MACROD2: variants seen among roughly 807,000 people sequenced by gnomAD.
The protein encoded by MACROD2 is ADP-ribose glycohydrolase MACROD2.
A neutral mutation model predicts 70.4 loss-of-function variants in MACROD2; 36 were observed. That is an observed-to-expected ratio of 0.51 (90% CI 0.39 to 0.68). The LOEUF (loss-of-function observed/expected upper bound fraction) is 0.68, where lower values mean the gene tolerates loss of function less well. Among genes scored for constraint, MACROD2 ranks in the 30% least tolerant of loss-of-function variants. The pLI, the probability that MACROD2 is intolerant of heterozygous loss-of-function variation, is 0.00. For missense variants in MACROD2, 496 were observed against 538.4 expected (o/e 0.92, Z 0.78); for synonymous variants, 172 against 178.8 (o/e 0.96, Z 0.30).
At chr20:14,140,710 TGGGTG>T (rs2054859903) in intron 3 of MACROD2, among the ~76,000 whole-genome samples, 1 of 152,260 alleles carries the variant, frequency 6.6e-6, no homozygotes, top group Middle Eastern at 3.4e-3. Flanking sequence ...CCAACACCTG[TGGGTG>T]GGAGCTGGCT....
intron 4 of MACROD2, among the ~76,000 whole-genome samples, chr20:14,646,571 AT>A (rs918199639): frequency 4.0e-5 from 6 of 151,640 alleles, no homozygotes; most frequent in African/African-American, 1.4e-4. Flanking sequence ...TAATGGTGGA[AT>A]TTTTTTTTCC....
chr20:14,796,124 T>C (rs547897751), intron 5 of MACROD2, among the ~76,000 whole-genome samples: 1 of 152,122 alleles, frequency 6.6e-6, no homozygotes, highest in South Asian at 2.1e-4. Context: ...TTGTCAAGTC[T>C]GAGGAAGAAC....
At chr20:15,087,429 A>G (rs2075757136) in intron 5 of MACROD2, among the ~76,000 whole-genome samples, 1 of 152,086 alleles carries the variant, frequency 6.6e-6, no homozygotes, top group Non-Finnish European at 1.5e-5. Flanking sequence ...GAAATATAAT[A>G]TATAATGAAA....
chr20:15,846,326 G>A (rs912546034), intron 8 of MACROD2, among the ~76,000 whole-genome samples: 2 of 152,134 alleles, frequency 1.3e-5, no homozygotes, highest in Non-Finnish European at 2.9e-5. Flanking sequence ...CACTGGTTTT[G>A]TCCCACACTA....
intron 6 of MACROD2, among the ~76,000 whole-genome samples, chr20:15,346,194 C>A (rs1406877543): frequency 6.6e-6 from 1 of 152,008 alleles, no homozygotes; most frequent in Non-Finnish European, 1.5e-5. Context: ...TCAAGCAATC[C>A]TCCAGCCTCA....
rs147298843 is a variant in MACROD2, at chr20:14,471,316, C to T, written c.272-22163C>T. On this transcript the variant is annotated intron_variant, in intron 3 of 17. Coordinates refer to ENST00000684519, the MANE Select transcript of MACROD2 (RefSeq NM_001351661.2). ...CTCAGTTGGAAATGCTGAAATCACCCGCCTTCTACATTGATCTCACTGGGA... is the reference window on the plus strand; with the variant it reads ...CTCAGTTGGAAATGCTGAAATCACCTGCCTTCTACATTGATCTCACTGGGA... Among the ~76,000 whole-genome samples, 23 of 152,294 alleles carry T rather than the reference C, an allele frequency of 1.5e-4. No individual in the cohort carries two copies. In the East Asian group the frequency reaches 3.1e-3, roughly 20 times the overall value.
intron 8 of MACROD2, among the ~76,000 whole-genome samples, chr20:15,602,758 T>C (rs542187677): frequency 6.6e-6 from 1 of 152,298 alleles, no homozygotes; most frequent in South Asian, 2.1e-4. Context: ...AGGGCAGAAG[T>C]GAGACTAGTA....
At chr20:15,711,501 T>C (rs1468305107) in intron 8 of MACROD2, among the ~76,000 whole-genome samples, 1 of 152,204 alleles carries the variant, frequency 6.6e-6, no homozygotes, top group African/African-American at 2.4e-5. Context: ...GATCAGCTGC[T>C]GGCCTTCCCC....
chr20:15,902,696 T>C (rs988400038), intron 10 of MACROD2, among the ~76,000 whole-genome samples: 2 of 152,058 alleles, frequency 1.3e-5, no homozygotes, highest in African/African-American at 4.8e-5. Flanking sequence ...AAGGTTCTCA[T>C]GGCAAGGAGC....
chr20:14,417,007 A>G (rs11699783), intron 3 of MACROD2, among the ~76,000 whole-genome samples: 2,972 of 152,268 alleles, frequency 0.02, 38 homozygotes, highest in Non-Finnish European at 0.032. Context: ...GAACACACAG[A>G]CACCACACAC....
intron 9 of MACROD2, among the ~76,000 whole-genome samples, chr20:15,881,107 T>C (rs1313342812): frequency 6.6e-6 from 1 of 152,102 alleles, no homozygotes; most frequent in Non-Finnish European, 1.5e-5. Flanking sequence ...ATCTTCGTAA[T>C]GGGTACACAA....
At chr20:15,070,518 G>T (rs2075610665) in intron 5 of MACROD2, among the ~76,000 whole-genome samples, 1 of 152,088 alleles carries the variant, frequency 6.6e-6, no homozygotes, top group African/African-American at 2.4e-5. Context: ...AAGGTCTAGT[G>T]GGGAGTGTTT....
At chr20:14,160,331 G>A (rs1486000007) in intron 3 of MACROD2, among the ~76,000 whole-genome samples, 2 of 152,102 alleles carry the variant, frequency 1.3e-5, no homozygotes, top group Non-Finnish European at 2.9e-5. Flanking sequence ...GTAGAATTCG[G>A]CATTGAAGCC....
chr20:14,333,633 C>T (rs141935382), intron 3 of MACROD2, among the ~76,000 whole-genome samples: 1 of 152,264 alleles, frequency 6.6e-6, no homozygotes, highest in East Asian at 1.9e-4. Flanking sequence ...TCCTTTTTAA[C>T]AGTGTGGGTA....
intron 13 of MACROD2, among the ~76,000 whole-genome samples, chr20:15,971,461 C>T (rs753058173): frequency 1.3e-5 from 2 of 152,150 alleles, no homozygotes; most frequent in Non-Finnish European, 2.9e-5. Flanking sequence ...GTAAGACATG[C>T]GGTTGCACCT....
intron 7 of MACROD2, among the ~76,000 whole-genome samples, chr20:15,436,944 G>A (rs774124548): frequency 6.6e-6 from 1 of 152,072 alleles, no homozygotes; most frequent in Non-Finnish European, 1.5e-5. Context: ...ACCACTTGGT[G>A]CGTGCTTCCC....
intron 3 of MACROD2, among the ~76,000 whole-genome samples, chr20:14,305,136 A>G (rs935613983): frequency 6.6e-6 from 1 of 152,180 alleles, no homozygotes; most frequent in South Asian, 2.1e-4. Flanking sequence ...TCACTACCCT[A>G]TAAAGATGCA....
At chr20:14,668,650 T>G (rs2070762169) in intron 4 of MACROD2, among the ~76,000 whole-genome samples, 1 of 152,198 alleles carries the variant, frequency 6.6e-6, no homozygotes, top group Non-Finnish European at 1.5e-5. Flanking sequence ...ATATTTTAAA[T>G]GAGTACATGG....
At chr20:15,100,101 T>G (rs1160377249) in intron 5 of MACROD2, among the ~76,000 whole-genome samples, 2 of 152,056 alleles carry the variant, frequency 1.3e-5, no homozygotes, top group African/African-American at 4.8e-5. Flanking sequence ...TTTTTCTTTC[T>G]CTCTTTCTTT....
Sources: gnomAD v4.1 joint callset for allele counts (sites outside exome capture counted in the v4.1 genomes callset) on GRCh38, gnomAD v4.1.1 for gene constraint, MANE v1.5 for transcripts, NCBI Gene and HGNC (gene_info 2026-07-23, HGNC 2026-07-21) for gene names.